DMD: variants seen among roughly 807,000 people sequenced by gnomAD.
DMD encodes the protein mutant dystrophin.
In DMD, 63 loss-of-function variants were observed where a neutral mutation model predicts 330.1. That is an observed-to-expected ratio of 0.19 (90% CI 0.16 to 0.24). The LOEUF (loss-of-function observed/expected upper bound fraction) is 0.24. Ranked by LOEUF, DMD falls within the 10% of genes least tolerant of loss-of-function variation. DMD has a pLI of 1.00. For missense variants in DMD, 3,344 were observed against 2,684.1 expected (o/e 1.25, Z -5.43); for synonymous variants, 1,223 against 959.8 (o/e 1.27, Z -5.07).
At position 32,058,079 on chromosome X, in the gene DMD, A is replaced by T. The variant is rs1394404309; in HGVS notation, c.6439-89565T>A. Among the ~76,000 whole-genome samples, 6 of 111,555 alleles carry T rather than the reference A, an allele frequency of 5.4e-5. No homozygotes were observed. The East Asian group carries it at 1.7e-3, about 32-fold the overall frequency. On this transcript the variant is annotated intron_variant, in intron 44 of 78. Transcript: ENST00000357033. Reference sequence around the variant, plus strand: ...TAAACTATACATAAAAATCAACTCAAAATGAAATGGAGTAAAGACTTAAAA... The same window carrying T: ...TAAACTATACATAAAAATCAACTCATAATGAAATGGAGTAAAGACTTAAAA...
At chrX:32,430,549 T>C (rs907062390) in intron 29 of DMD, among the ~76,000 whole-genome samples, 1 of 111,822 alleles carries the variant, frequency 8.9e-6, no homozygotes, top group Non-Finnish European at 1.9e-5. Context: ...TATTCTAATA[T>C]TATTATTATT....
chrX:33,242,207 T>C (rs940256720), intron 1 of DMD, among the ~76,000 whole-genome samples: 2 of 111,701 alleles, frequency 1.8e-5, no homozygotes, highest in African/African-American at 6.5e-5. Flanking sequence ...GGTGCACCCA[T>C]CACCCAAGCA....
intron 43 of DMD, among the ~76,000 whole-genome samples, chrX:32,276,406 G>T (rs1461572440): frequency 8.9e-6 from 1 of 112,478 alleles, no homozygotes; most frequent in Admixed American, 9.4e-5. Flanking sequence ...GCATGGCTAA[G>T]GGAGTGCTTG....
At chrX:32,379,764 A>T (rs755153243) in intron 34 of DMD, among the ~76,000 whole-genome samples, 1 of 111,303 alleles carries the variant, frequency 9.0e-6, no homozygotes, top group Non-Finnish European at 1.9e-5. Flanking sequence ...TAAAGTATAA[A>T]CGTCTTATAC....
intron 48 of DMD, among the ~76,000 whole-genome samples, chrX:31,843,867 T>C (rs1603487370): frequency 1.8e-5 from 1 of 56,914 alleles, no homozygotes; most frequent in Non-Finnish European, 3.1e-5. Context: ...GTATTGTATT[T>C]ATTTAGGGAC....
intron 55 of DMD, among the ~76,000 whole-genome samples, chrX:31,604,178 C>A (rs941796680): frequency 8.9e-6 from 1 of 112,103 alleles, no homozygotes; most frequent in African/African-American, 3.2e-5. Context: ...TAACTAGTAA[C>A]CTTGGAGGAA....
At chrX:31,983,164 T>C (rs1257278964) in intron 44 of DMD, among the ~76,000 whole-genome samples, 1 of 110,647 alleles carries the variant, frequency 9.0e-6, no homozygotes, top group Non-Finnish European at 1.9e-5. Context: ...GACAGACGTA[T>C]TGTAGGGAAA....
rs189442613 is a variant in DMD at position 32,628,711 on chromosome X, T to C, written c.1332-14258A>G. Among the ~76,000 whole-genome samples the C allele has an allele frequency of 5.4e-5, 6 of 111,001 alleles. No homozygotes were observed. The East Asian group carries it at 8.5e-4, about 16-fold the overall frequency. On this transcript the variant is annotated intron_variant, in intron 11 of 78. Coordinates refer to ENST00000357033, the MANE Select transcript of DMD (RefSeq NM_004006.3). ...CTGCTTCCCATAGGTTTTGGTTACA[T>C]TGCGTTTCCTTTTTCATTCGTTTCA...
intron 2 of DMD, among the ~76,000 whole-genome samples, chrX:32,893,689 T>G (rs2085436366): frequency 9.0e-6 from 1 of 111,559 alleles, no homozygotes; most frequent in Non-Finnish European, 1.9e-5. Flanking sequence ...TAGGTATTTC[T>G]TCCATATCCA....
chrX:31,874,678 T>C (rs1366164329), intron 48 of DMD, among the ~76,000 whole-genome samples: 1 of 111,078 alleles, frequency 9.0e-6, no homozygotes, highest in African/African-American at 3.3e-5. Flanking sequence ...TTAGTCAGGC[T>C]TCTGAACCTT....
intron 13 of DMD, among the ~76,000 whole-genome samples, chrX:32,582,149 A>C (rs1226358046): frequency 9.0e-6 from 1 of 111,552 alleles, no homozygotes; most frequent in East Asian, 2.8e-4. Flanking sequence ...ATTGTACTAG[A>C]GTATTTATAC....
At chrX:33,095,917 G>A (rs1378713316) in intron 1 of DMD, among the ~76,000 whole-genome samples, 1 of 103,095 alleles carries the variant, frequency 9.7e-6, no homozygotes, top group Non-Finnish European at 2.0e-5. Flanking sequence ...AACATCAAAT[G>A]TATGGTGTCC....
chrX:33,259,609 C>CA lies in DMD; in HGVS notation c.7+79649dup, dbSNP rs202121417. Among the ~76,000 whole-genome samples, 240 of 56,705 alleles carry CA rather than the reference C, an allele frequency of 4.2e-3. 4 individuals carry two copies. Among genetic ancestry groups the CA allele is most frequent in the African/African-American group, 0.015 (231 of 15,412 alleles). The allele number at this position is 56,705 out of a possible 115,157, so 49.2% of individuals were successfully genotyped here. ...ATATTTCAAAATCGCCCCCCCCCCC[C>CA]AAAAAAAAAAAGGAAATCTGAAACA... is the stretch of plus-strand genomic sequence containing the variant. On this transcript the variant is annotated intron_variant, in intron 1 of 17. Transcript: ENST00000288447.
chrX:31,281,575 AT>A (rs11342637), intron 62 of DMD, among the ~76,000 whole-genome samples: 27,977 of 110,901 alleles, frequency 0.25, 4,771 homozygotes, highest in African/African-American at 0.62. Context: ...CGTTAAAAAA[AT>A]GTTTTCTAAT....
chrX:32,652,725 T>C (rs901257906), intron 9 of DMD, among the ~76,000 whole-genome samples: 1 of 111,549 alleles, frequency 9.0e-6, no homozygotes, highest in African/African-American at 3.3e-5. Context: ...TCTAGATCCT[T>C]GAGGAATTGC....
intron 7 of DMD, among the ~76,000 whole-genome samples, chrX:32,733,476 C>A (rs1244577982): frequency 1.8e-5 from 2 of 111,057 alleles, no homozygotes; most frequent in Non-Finnish European, 3.8e-5. Flanking sequence ...TTCAGCACCA[C>A]ACCACACCTA....
intron 44 of DMD, among the ~76,000 whole-genome samples, chrX:32,196,113 T>C (rs1385470967): frequency 8.9e-6 from 1 of 112,373 alleles, no homozygotes; most frequent in Non-Finnish European, 1.9e-5. Flanking sequence ...GTTTCAAATA[T>C]TACATGAACT....
intron 16 of DMD, among the ~76,000 whole-genome samples, chrX:32,558,132 C>G (rs777624362): frequency 9.0e-6 from 1 of 110,923 alleles, no homozygotes; most frequent in South Asian, 3.7e-4. Context: ...ACTGTCTGTC[C>G]AATTTAATGT....
At chrX:32,815,656 G>T (rs1233459817) in intron 6 of DMD, among the ~76,000 whole-genome samples, 2 of 107,217 alleles carry the variant, frequency 1.9e-5, no homozygotes, top group Non-Finnish European at 3.8e-5. Context: ...GCTTTTTCTT[G>T]AACTGTTATT....
Sources: gnomAD v4.1 joint callset for allele counts (sites outside exome capture counted in the v4.1 genomes callset) on GRCh38, gnomAD v4.1.1 for gene constraint, MANE v1.5 for transcripts, NCBI Gene and HGNC (gene_info 2026-07-23, HGNC 2026-07-21) for gene names.